The following ELL variants were observed in gnomAD, a reference collection of about 807,000 sequenced individuals.
ELL encodes RNA polymerase II elongation factor ELL.
In ELL, 18 loss-of-function variants were observed where a neutral mutation model predicts 64.0. The ratio of observed to expected loss-of-function variants is 0.28; its 90% CI spans 0.19 to 0.42. The LOEUF (loss-of-function observed/expected upper bound fraction) is 0.42. ELL is among the 10% of genes least tolerant of loss of function. The pLI is 1.00. For synonymous variants in ELL, 399 were observed against 376.2 expected, an observed-to-expected ratio of 1.06 and a Z score of -0.70; for missense variants, 797 against 870.4, an observed-to-expected ratio of 0.92 and a Z score of 1.06.
At chr19:18,506,946 C>G (rs576873065) in intron 1 of ELL, among the ~76,000 whole-genome samples, 4 of 152,148 alleles carry the variant, frequency 2.6e-5, no homozygotes, top group Non-Finnish European at 5.9e-5. Flanking sequence ...AGGAGCTGGC[C>G]TACAAGATGG....
chr19:18,463,383 G>A (rs1427745640), intron 4 of ELL, among the ~76,000 whole-genome samples: 1 of 141,906 alleles, frequency 7.0e-6, no homozygotes, highest in Non-Finnish European at 1.5e-5. Context: ...TGCGCAGGCT[G>A]GAGTGCAATG....
intron 1 of ELL, among the ~76,000 whole-genome samples, chr19:18,487,431 T>C (rs758375770): frequency 6.6e-6 from 1 of 152,186 alleles, no homozygotes; most frequent in Non-Finnish European, 1.5e-5. Context: ...TAAACCACCT[T>C]GAGTGCTTAG....
intron 1 of ELL, among the ~76,000 whole-genome samples, chr19:18,517,084 G>T (rs1976146844): frequency 6.6e-6 from 1 of 152,102 alleles, no homozygotes; most frequent in Non-Finnish European, 1.5e-5. Flanking sequence ...CAACCCAAGT[G>T]CCCCTGGGAG....
chr19:18,461,581 C>A lies in ELL; in HGVS notation c.741G>T (p.Gln247His). 5 of 1,596,898 alleles carry A rather than the reference C, an allele frequency of 3.1e-6. No homozygotes were observed. Among genetic ancestry groups the A allele is most frequent in the Non-Finnish European group, 4.3e-6 (5 of 1,175,650 alleles). Reference protein sequence around the residue: ...ADKDALDGLLQQVANMSAKDG... With the variant: ...ADKDALDGLLHQVANMSAKDG... The stretch of plus-strand genomic sequence containing the variant: ...AAGACATCGGGGCGGCACCCACCTG[C>A]TGGAGGAGGCCATCCAGCGCGTCCT... The change falls in exon 5 of 12, where the codon CAG becomes CAT. Residue 247 changes from glutamine to histidine, a missense_variant. Transcript: ENST00000262809.
rs1027983598 is a variant in ELL, at chr19:18,446,894, A to G, written c.1466-80T>C. The stretch of plus-strand genomic sequence containing the variant: ...GAAGCACGCCAGGATGGGGACATGC[A>G]TGAAAACTGTACACTTTGCTGCTGG... On this transcript the variant is annotated intron_variant, in intron 8 of 11. Coordinates refer to ENST00000262809, the MANE Select transcript of ELL (RefSeq NM_006532.4). The G allele has an allele frequency of 1.1e-5, 16 of 1,447,358 alleles. No individual in the cohort carries two copies. In the African/African-American group the frequency reaches 1.8e-4, roughly 16 times the overall value. The allele number at this position is 1,447,358 out of a possible 1,614,324, so 89.7% of individuals were successfully genotyped here.
chr19:18,511,772 AT>A (rs1976028717), intron 1 of ELL, among the ~76,000 whole-genome samples: 1 of 151,396 alleles, frequency 6.6e-6, no homozygotes, highest in African/African-American at 2.4e-5. Flanking sequence ...TAATCCCAGC[AT>A]TTTGGGAGGC....
chr19:18,456,013 C>T (rs1974665523), intron 6 of ELL, among the ~76,000 whole-genome samples: 1 of 151,854 alleles, frequency 6.6e-6, no homozygotes, highest in Admixed American at 6.6e-5. Context: ...AGGAGAATGG[C>T]TTGAACCCAG....
chr19:18,474,500 C>T (rs1326984227), intron 1 of ELL, among the ~76,000 whole-genome samples: 1 of 152,230 alleles, frequency 6.6e-6, no homozygotes, highest in Non-Finnish European at 1.5e-5. Context: ...CCAGAAACTG[C>T]CCCATGCTTC....
At chr19:18,513,920 G>C (rs1240971767) in intron 1 of ELL, among the ~76,000 whole-genome samples, 1 of 152,110 alleles carries the variant, frequency 6.6e-6, no homozygotes, top group Non-Finnish European at 1.5e-5. Context: ...GACAGAGCGA[G>C]ACTCCATCTC....
chr19:18,488,179 A>G (rs1975457444), intron 1 of ELL, among the ~76,000 whole-genome samples: 1 of 152,200 alleles, frequency 6.6e-6, no homozygotes, highest in Non-Finnish European at 1.5e-5. Context: ...CTTATCTCAC[A>G]AAAGGATCGG....
chr19:18,515,231 T>G (rs1244443418), intron 1 of ELL, among the ~76,000 whole-genome samples: 1 of 152,214 alleles, frequency 6.6e-6, no homozygotes. Context: ...TCAAGCTGGC[T>G]TGTCCTCTTC....
At chr19:18,491,923 T>C (rs974249574) in intron 1 of ELL, among the ~76,000 whole-genome samples, 1 of 152,152 alleles carries the variant, frequency 6.6e-6, no homozygotes, top group African/African-American at 2.4e-5. Flanking sequence ...TGACTTTATA[T>C]TTACCTACCT....
chr19:18,451,732 G>T, intron 6 of ELL, 84 bp from the exon 7 acceptor site: 1 of 1,107,058 alleles, frequency 9.0e-7, no homozygotes, highest in Non-Finnish European at 1.2e-6. Flanking sequence ...GGGCCCGGTG[G>T]AGATGCCTCA....
In ELL at chr19:18,461,721, C is replaced by T. The variant is rs753377816; in HGVS notation, c.601G>A (p.Gly201Arg). The T allele has an allele frequency of 2.2e-5, 36 of 1,613,652 alleles. No individual in the cohort carries two copies. Among genetic ancestry groups the T allele is most frequent in the Non-Finnish European group, 3.0e-5 (35 of 1,179,976 alleles). ...TCACGGAAGGGCCTCTGGGACACCC[C>T]GCTGCCCCCACTCACGGCACTGGCA... The part of the protein sequence containing the change: ...SGASAVSGGS[G>R]VSQRPFRDRV... Residue 201 changes from glycine to arginine, a missense_variant, in exon 5 of 12, where the codon GGG (glycine) becomes AGG (arginine). Transcript: ENST00000262809.
intron 11 of ELL, 129 bp from the exon 12 acceptor site, chr19:18,444,997 G>A: frequency 1.8e-6 from 2 of 1,141,542 alleles, no homozygotes; most frequent in South Asian, 1.4e-5. Context: ...TGTGGTCCAA[G>A]GGCAGAGTGG....
intron 5 of ELL, among the ~76,000 whole-genome samples, chr19:18,460,934 C>G (rs1326571221): frequency 6.6e-6 from 1 of 152,198 alleles, no homozygotes; most frequent in African/African-American, 2.4e-5. Context: ...CCAGGGACCC[C>G]AGGAAGCCAA....
intron 9 of ELL, 119 bp from the exon 10 acceptor site, chr19:18,446,599 G>A: frequency 2.0e-6 from 3 of 1,495,010 alleles, no homozygotes; most frequent in Non-Finnish European, 2.7e-6. Context: ...GGATTATGAG[G>A]GGGCCTGGCC....
At chr19:18,466,493 TG>T (rs1200249617) in intron 2 of ELL, among the ~76,000 whole-genome samples, 1 of 152,172 alleles carries the variant, frequency 6.6e-6, no homozygotes, top group African/African-American at 2.4e-5. Context: ...TCAGAAGCAC[TG>T]GCCCCCAACA....
intron 1 of ELL, among the ~76,000 whole-genome samples, chr19:18,475,649 T>TG (rs1975159837): frequency 6.6e-6 from 1 of 152,050 alleles, no homozygotes; most frequent in Non-Finnish European, 1.5e-5. Context: ...CCATGCCAAG[T>TG]GAAAGAAGGC....
Sources: gnomAD v4.1 joint callset for allele counts (sites outside exome capture counted in the v4.1 genomes callset) on GRCh38, gnomAD v4.1.1 for gene constraint, MANE v1.5 for transcripts, NCBI Gene and HGNC (gene_info 2026-07-23, HGNC 2026-07-21) for gene names.